The following PHLPP1 variants were observed in gnomAD, a reference collection of about 807,000 sequenced individuals.
The protein encoded by PHLPP1 is PH domain leucine-rich repeat-containing protein phosphatase 1.
In PHLPP1, 42 loss-of-function variants were observed where a neutral mutation model predicts 117.2. The ratio of observed to expected loss-of-function variants is 0.36; its 90% CI spans 0.28 to 0.46. The LOEUF (loss-of-function observed/expected upper bound fraction) is 0.46, where lower values mean the gene tolerates loss of function less well. PHLPP1 is among the 20% of genes least tolerant of loss of function. The pLI, the probability that PHLPP1 is intolerant of heterozygous loss-of-function variation, is 1.00. For missense variants in PHLPP1, 2,084 were observed against 2,241.9 expected (o/e 0.93, Z 1.42); for synonymous variants, 1,042 against 970.7 (o/e 1.07, Z -1.37).
At chr18:62,973,204 A>G (rs1237658161) in intron 15 of PHLPP1, among the ~76,000 whole-genome samples, 2 of 152,168 alleles carry the variant, frequency 1.3e-5, no homozygotes, top group Non-Finnish European at 2.9e-5. Context: ...CATTCTTTAT[A>G]TTTTGTTTTC....
rs761205763 is a variant in PHLPP1 at position 62,978,630 on chromosome 18, A to T, written c.4353A>T (p.Ser1451=). ...PPPSPGIFPP[S]VNMVIKDRPS... is the part of the protein sequence containing the mutation. Reference sequence around the variant, plus strand: ...CCAGTCCTGGCATCTTTCCTCCCTCAGTGAACATGGTGATCAAGGATCGGC... The same window carrying T: ...CCAGTCCTGGCATCTTTCCTCCCTCTGTGAACATGGTGATCAAGGATCGGC... Residue 1451 remains serine, a synonymous_variant, in exon 17 of 17, where the codon TCA becomes TCT. Transcript: ENST00000262719. The surrounding 1 kb of genome is among the most constrained non-coding windows in gnomAD (Gnocchi z 7.0). The T allele has an allele frequency of 5.0e-6, 8 of 1,613,674 alleles. No homozygotes were observed. Among genetic ancestry groups the T allele is most frequent in the Non-Finnish European group, 6.8e-6 (8 of 1,179,788 alleles).
chr18:62,868,197 A>C (rs1459382390), intron 4 of PHLPP1, among the ~76,000 whole-genome samples: 1 of 152,124 alleles, frequency 6.6e-6, no homozygotes, highest in Non-Finnish European at 1.5e-5. Context: ...TTTATGAGAG[A>C]TATTTTGACA....
chr18:62,728,843 A>G (rs1346260769), intron 1 of PHLPP1, among the ~76,000 whole-genome samples: 2 of 151,548 alleles, frequency 1.3e-5, no homozygotes, highest in Non-Finnish European at 2.9e-5. Flanking sequence ...GAAGGCTAAC[A>G]TGCCTATTGA....
intron 1 of PHLPP1, among the ~76,000 whole-genome samples, chr18:62,760,677 T>C (rs970789327): frequency 1.3e-5 from 2 of 152,166 alleles, no homozygotes; most frequent in Non-Finnish European, 2.9e-5. Context: ...CACGTCCACA[T>C]TGTAAACTAG....
intron 1 of PHLPP1, among the ~76,000 whole-genome samples, chr18:62,722,485 G>A (rs1311222854): frequency 6.6e-6 from 1 of 152,150 alleles, no homozygotes; most frequent in African/African-American, 2.4e-5. Context: ...AACAGCCTGG[G>A]AAAATGAAGT....
At chr18:62,970,582 T>C (rs982607907) in intron 14 of PHLPP1, among the ~76,000 whole-genome samples, 4 of 152,008 alleles carry the variant, frequency 2.6e-5, no homozygotes, top group South Asian at 2.1e-4. Context: ...CTGGCCAAGA[T>C]GGTGAAATGC....
intron 1 of PHLPP1, among the ~76,000 whole-genome samples, chr18:62,776,305 A>G (rs147593934): frequency 3.3e-5 from 5 of 152,286 alleles, no homozygotes; most frequent in East Asian, 1.9e-4. Flanking sequence ...CAGGATTTCT[A>G]TGTTAGTGTA....
In PHLPP1 at chr18:62,940,713, A is replaced by G. The variant is rs371034638; in HGVS notation, c.2961-1005A>G. ...CTGAAAAGTGTGGCAGCAATATATT[A>G]TCTTGTTTGTTTGTTTTAATGTAAA... On this transcript the variant is annotated intron_variant, in intron 10 of 16. Transcript: ENST00000262719. 7.9e-5 allele frequency among the ~76,000 whole-genome samples: 12 copies of G among 152,152 alleles called. No homozygotes were observed. In the South Asian group the frequency reaches 2.5e-3, roughly 32 times the overall value.
At chr18:62,761,223 A>G (rs916619080) in intron 1 of PHLPP1, among the ~76,000 whole-genome samples, 1 of 152,196 alleles carries the variant, frequency 6.6e-6, no homozygotes, top group Non-Finnish European at 1.5e-5. Context: ...AGATCGACAA[A>G]TCTTGTTAAA....
At chr18:62,931,178 CAGAG>C (rs1324350823) in intron 10 of PHLPP1, among the ~76,000 whole-genome samples, 1 of 131,800 alleles carries the variant, frequency 7.6e-6, no homozygotes, top group Non-Finnish European at 1.6e-5. Flanking sequence ...GCCTGGGTGA[CAGAG>C]AGAGACTCCA....
chr18:62,759,339 T>C (rs1912136963), intron 1 of PHLPP1, among the ~76,000 whole-genome samples: 2 of 152,204 alleles, frequency 1.3e-5, no homozygotes, highest in Admixed American at 6.5e-5. Context: ...ACCTGTTAAA[T>C]GAAAACTCTT....
intron 1 of PHLPP1, among the ~76,000 whole-genome samples, chr18:62,766,729 A>G (rs1386531296): frequency 6.6e-6 from 1 of 152,034 alleles, no homozygotes; most frequent in African/African-American, 2.4e-5. Context: ...ATAAATATAT[A>G]TTTTTCTTTC....
chr18:62,773,087 G>A (rs1013134453), intron 1 of PHLPP1, among the ~76,000 whole-genome samples: 1 of 152,062 alleles, frequency 6.6e-6, no homozygotes, highest in Non-Finnish European at 1.5e-5. Flanking sequence ...GAAGCAACAG[G>A]AATGAAAAAG....
chr18:62,756,707 T>C (rs1912032586), intron 1 of PHLPP1, among the ~76,000 whole-genome samples: 1 of 152,118 alleles, frequency 6.6e-6, no homozygotes, highest in African/African-American at 2.4e-5. Flanking sequence ...TTAAGAAAAA[T>C]TCCCCAAAGC....
intron 6 of PHLPP1, among the ~76,000 whole-genome samples, chr18:62,898,195 T>G (rs537051964): frequency 1.1e-4 from 16 of 152,328 alleles, no homozygotes; most frequent in Admixed American, 3.9e-4. Flanking sequence ...TGAGACCAGT[T>G]CCACTTAAGC....
In PHLPP1 at chr18:62,830,142, G is replaced by A; in HGVS notation, c.1684G>A (p.Val562Ile). The change falls in exon 2 of 17, where the codon GTC becomes ATC. Residue 562 changes from valine to isoleucine, a missense_variant. By Grantham distance (29) the Val-to-Ile change is conservative. This residue lies in a region of PHLPP1 where 1,365 missense variants were observed against 1,605.9 expected (regional missense o/e 0.85). Transcript: ENST00000262719. ...LPVNRWTRRQVILCGTCLIVS... is the reference protein window; with the variant it reads ...LPVNRWTRRQIILCGTCLIVS... ...AGTGAACCGATGGACAAGACGCCAAGTCATCCTATGTGGGACCTGCCTGAT... is the reference window on the plus strand; with the variant it reads ...AGTGAACCGATGGACAAGACGCCAAATCATCCTATGTGGGACCTGCCTGAT... 6.2e-7 allele frequency: 1 copy of A among 1,607,640 alleles called. No individual in the cohort carries two copies. Among genetic ancestry groups the A allele is most frequent in the African/African-American group, 1.3e-5 (1 of 74,976 alleles).
chr18:62,771,186 C>G (rs1378961885), intron 1 of PHLPP1, among the ~76,000 whole-genome samples: 1 of 150,270 alleles, frequency 6.7e-6, no homozygotes, highest in Non-Finnish European at 1.5e-5. Flanking sequence ...TGCCCTCCAG[C>G]CTGGGCGACA....
chr18:62,949,941 G>A (rs1438611508), intron 12 of PHLPP1, among the ~76,000 whole-genome samples: 3 of 152,168 alleles, frequency 2.0e-5, no homozygotes. Context: ...CAAAAACCAA[G>A]CTATTAGTTA....
intron 12 of PHLPP1, among the ~76,000 whole-genome samples, chr18:62,948,250 G>C (rs984045376): frequency 6.6e-6 from 1 of 151,314 alleles, no homozygotes; most frequent in Non-Finnish European, 1.5e-5. Context: ...ACTTGAACCC[G>C]AGAGGGGGAA....
Sources: allele counts gnomAD v4.1 joint callset (sites outside exome capture counted in the v4.1 genomes callset), GRCh38; gene constraint gnomAD v4.1.1; regional missense constraint gnomAD v4.1.1; non-coding constraint Gnocchi (gnomAD v3.1); transcripts MANE v1.5; gene names NCBI Gene and HGNC (gene_info 2026-07-23, HGNC 2026-07-21).